The following LRRC37A2 variants were observed in gnomAD, a reference collection of about 807,000 sequenced individuals.
LRRC37A2 encodes the protein leucine rich repeat containing 37 member A2.
Under a neutral mutation model 68.8 loss-of-function variants are expected in LRRC37A2, and 9 were observed. The ratio of observed to expected loss-of-function variants is 0.13; its 90% CI spans 0.08 to 0.23. The LOEUF is 0.23. LRRC37A2 is among the 10% of genes least tolerant of loss of function. LRRC37A2 has a pLI of 1.00. For synonymous variants in LRRC37A2, 63 were observed against 367.6 expected, an observed-to-expected ratio of 0.17 and a Z score of 9.48; for missense variants, 168 against 950.4, an observed-to-expected ratio of 0.18 and a Z score of 10.82.
chr17:47,024,851 A>C, the LRRC37A2 span: 2 of 610,652 alleles, frequency 3.3e-6, no homozygotes, highest in Non-Finnish European at 5.9e-6. Flanking sequence ...TTGAGCAATA[A>C]AATTCTGCAA....
the LRRC37A2 span, among the ~76,000 whole-genome samples, chr17:46,790,801 C>T: frequency 6.6e-6 from 1 of 152,246 alleles, no homozygotes; most frequent in South Asian, 2.1e-4. Flanking sequence ...TTCCGTCCAC[C>T]TTGGCAGAAA....
At chr17:46,956,660 C>T in the LRRC37A2 span, among the ~76,000 whole-genome samples, 3 of 152,120 alleles carry the variant, frequency 2.0e-5, no homozygotes, top group East Asian at 1.9e-4. Context: ...TGAATCCCTT[C>T]GTTAGGAAGC....
the LRRC37A2 span, among the ~76,000 whole-genome samples, chr17:47,036,115 G>A: frequency 6.6e-6 from 1 of 152,022 alleles, no homozygotes; most frequent in African/African-American, 2.4e-5. Flanking sequence ...TGTGAGTTCT[G>A]TGACTTTCTT....
At chr17:46,542,526 G>GATAGAT (rs2055548068) in intron 8 of LRRC37A2, among the ~76,000 whole-genome samples, 2 of 145,874 alleles carry the variant, frequency 1.4e-5, no homozygotes, top group African/African-American at 2.7e-5. Context: ...TATATATATA[G>GATAGAT]ATATAGATAT....
the LRRC37A2 span, among the ~76,000 whole-genome samples, chr17:46,638,993 A>G: frequency 6.3e-5 from 1 of 15,960 alleles, no homozygotes; most frequent in Non-Finnish European, 1.1e-4. Context: ...CTGTCATAGA[A>G]CTTACTTTCT....
chr17:46,841,432 A>G, the LRRC37A2 span, among the ~76,000 whole-genome samples: 7 of 152,338 alleles, frequency 4.6e-5, no homozygotes, highest in African/African-American at 1.7e-4. Flanking sequence ...GTGAGAGTTC[A>G]GCCCTGTCCC....
the LRRC37A2 span, among the ~76,000 whole-genome samples, chr17:47,026,059 T>C: frequency 2.1e-5 from 3 of 145,886 alleles, no homozygotes; most frequent in South Asian, 6.8e-4. Flanking sequence ...GAAGAAGAAA[T>C]GGATGTGGGC....
the LRRC37A2 span, among the ~76,000 whole-genome samples, chr17:46,913,567 A>T: frequency 6.6e-6 from 1 of 152,186 alleles, no homozygotes; most frequent in South Asian, 2.1e-4. Context: ...CAGTGCATAC[A>T]AAGGCCAGAA....
chr17:46,775,233 G>C, the LRRC37A2 span, among the ~76,000 whole-genome samples: 1 of 152,228 alleles, frequency 6.6e-6, no homozygotes, highest in African/African-American at 2.4e-5. Flanking sequence ...CTATCTCCTG[G>C]ACTAGGAAAC....
chr17:46,790,560 C>T, the LRRC37A2 span, among the ~76,000 whole-genome samples: 1 of 152,080 alleles, frequency 6.6e-6, no homozygotes, highest in Non-Finnish European at 1.5e-5. Context: ...GTCCTCTGCC[C>T]TCCCCCTGGG....
chr17:46,935,127 C>G, the LRRC37A2 span: 1 of 1,614,044 alleles, frequency 6.2e-7, no homozygotes, highest in East Asian at 2.2e-5. Flanking sequence ...TAGATGGGCA[C>G]AATATTTTAG....
the LRRC37A2 span, among the ~76,000 whole-genome samples, chr17:46,841,891 C>T: frequency 0.053 from 8,023 of 152,280 alleles, 696 homozygotes; most frequent in African/African-American, 0.18. Flanking sequence ...CGCTCCTCTG[C>T]GGTGTGTGGG....
the LRRC37A2 span, among the ~76,000 whole-genome samples, chr17:47,002,067 G>C: frequency 1.3e-5 from 2 of 151,966 alleles, no homozygotes; most frequent in African/African-American, 4.8e-5. Flanking sequence ...TCATAGGTTA[G>C]TTTATATTTT....
the LRRC37A2 span, among the ~76,000 whole-genome samples, chr17:46,500,870 C>T: frequency 6.6e-6 from 1 of 150,914 alleles, no homozygotes; most frequent in Non-Finnish European, 1.5e-5. Context: ...ACAGCACAAC[C>T]TGGGAATTGT....
At chr17:46,953,662 C>T in the LRRC37A2 span, among the ~76,000 whole-genome samples, 10,586 of 152,250 alleles carry the variant, frequency 0.07, 526 homozygotes, top group Non-Finnish European at 0.11. Flanking sequence ...ACAGTCCCGC[C>T]AACAGTGTAA....
the LRRC37A2 span, among the ~76,000 whole-genome samples, chr17:46,779,515 G>A: frequency 0.84 from 127,982 of 152,290 alleles, 54,085 homozygotes; most frequent in East Asian, 1. Context: ...CAGCTGGGCC[G>A]AGGACACACA....
chr17:46,899,232 A>C, the LRRC37A2 span, among the ~76,000 whole-genome samples: 1 of 151,900 alleles, frequency 6.6e-6, no homozygotes, highest in Non-Finnish European at 1.5e-5. Context: ...CTCTACTAAA[A>C]ATACAAAATA....
At chr17:46,622,489 A>G in the LRRC37A2 span, among the ~76,000 whole-genome samples, 1 of 148,888 alleles carries the variant, frequency 6.7e-6, no homozygotes, top group East Asian at 2.0e-4. Context: ...TAAATAGATA[A>G]ATAAATGGTG....
the LRRC37A2 span, among the ~76,000 whole-genome samples, chr17:46,489,477 G>T: frequency 2.8e-5 from 4 of 142,286 alleles, no homozygotes; most frequent in African/African-American, 1.1e-4. Context: ...TTTGTTTTTT[G>T]TTTGTTTGTT....
Sources: allele counts gnomAD v4.1 joint callset (sites outside exome capture counted in the v4.1 genomes callset), GRCh38; gene constraint gnomAD v4.1.1; transcripts MANE v1.5; gene names NCBI Gene and HGNC (gene_info 2026-07-23, HGNC 2026-07-21).